RYR1: variants seen among roughly 807,000 people sequenced by gnomAD.
RYR1 encodes the protein ryanodine receptor 1.
Under a neutral mutation model 583.5 loss-of-function variants are expected in RYR1, and 342 were observed. The observed-to-expected ratio is 0.59, with a 90% CI of 0.54 to 0.64. The LOEUF (loss-of-function observed/expected upper bound fraction) is 0.64, where lower values mean the gene tolerates loss of function less well. RYR1 is among the 30% of genes least tolerant of loss of function. The pLI, the probability that RYR1 is intolerant of heterozygous loss-of-function variation, is 0.00. For missense variants in RYR1, 6,032 were observed against 6,917.2 expected (o/e 0.87, Z 4.54); for synonymous variants, 2,791 against 2,822.5 (o/e 0.99, Z 0.35).
At chr19:38,461,115 C>T (rs1419945522) in intron 20 of RYR1, among the ~76,000 whole-genome samples, 1 of 152,026 alleles carries the variant, frequency 6.6e-6, no homozygotes, top group Non-Finnish European at 1.5e-5. Flanking sequence ...GATCGTGCCA[C>T]TACACTCCAG....
At chr19:38,551,071 G>T (rs1168999832) in intron 89 of RYR1, among the ~76,000 whole-genome samples, 3 of 51,486 alleles carry the variant, frequency 5.8e-5, no homozygotes, top group African/African-American at 2.1e-4. Context: ...TTTTGAGACG[G>T]AGTTTTGCTC....
intron 31 of RYR1, among the ~76,000 whole-genome samples, chr19:38,482,769 T>A (rs967958116): frequency 3.9e-5 from 6 of 151,988 alleles, no homozygotes; most frequent in African/African-American, 1.2e-4. Flanking sequence ...TGAGTATGCT[T>A]GGGAGAGAAA....
intron 83 of RYR1, 115 bp from the exon 84 acceptor site, chr19:38,537,765 C>A: frequency 3.0e-6 from 3 of 1,003,692 alleles, no homozygotes; most frequent in South Asian, 1.3e-5. Context: ...CTGCTCCTCC[C>A]AGCACCCCCA....
chr19:38,437,483 C>T (rs891754785), intron 1 of RYR1, among the ~76,000 whole-genome samples: 1 of 152,090 alleles, frequency 6.6e-6, no homozygotes, highest in Non-Finnish European at 1.5e-5. Context: ...ATTTTTCTCT[C>T]TGAGCCTCAG....
In RYR1 at chr19:38,515,639, A is replaced by T. The variant is rs183720350; in HGVS notation, c.9555-448A>T. Reference sequence around the variant, plus strand: ...TGAGACTCCATCTCTACAAAAAAAAATTTTTTTTAATTAGCCTGGTGTGGT... The same window carrying T: ...TGAGACTCCATCTCTACAAAAAAAATTTTTTTTTAATTAGCCTGGTGTGGT... On this transcript the variant is annotated intron_variant, in intron 64 of 105. Coordinates refer to ENST00000359596, the MANE Select transcript of RYR1 (RefSeq NM_000540.3). Among the ~76,000 whole-genome samples, 301 of 152,056 alleles carry T rather than the reference A, an allele frequency of 2.0e-3. 1 individual carries two copies. The highest frequency in any genetic ancestry group is 6.0e-3 in the African/African-American group (250 of 41,482).
In RYR1 at chr19:38,505,251, C is replaced by T. The variant is rs542139785; in HGVS notation, c.8311-58C>T. ...TCTCTGTCCTCGGCTCCTCCAGGGT[C>T]GCCCCGTGTGTCCCCAACTGCTGCC... is the stretch of plus-strand genomic sequence containing the variant. On this transcript the variant is annotated intron_variant, in intron 52 of 105. Transcript: ENST00000359596. The T allele has an allele frequency of 7.1e-5, 92 of 1,300,488 alleles. No individual in the cohort carries two copies. The Middle Eastern group carries it at 2.4e-3, about 34-fold the overall frequency. 80.6% of individuals were successfully genotyped at this position (1,300,488 alleles called of 1,614,324 possible). A position where few individuals can be genotyped will look rare whatever the true frequency, so the allele number is the denominator to read the frequency against.
At chr19:38,538,022 G>A (rs961030415) in intron 84 of RYR1, 62 bp downstream of exon 84, 1 of 1,517,566 alleles carries the variant, frequency 6.6e-7, no homozygotes, top group African/African-American at 1.4e-5. Flanking sequence ...CGGAAGGGTT[G>A]ACTGAATTAG....
chr19:38,580,900 T>A (rs750440836), intron 101 of RYR1, among the ~76,000 whole-genome samples: 10 of 100,362 alleles, frequency 1.0e-4, no homozygotes, highest in Non-Finnish European at 1.7e-4. Context: ...GCCAGGCACA[T>A]TTTTTTTTTT....
At position 38,528,940 on chromosome 19, in the gene RYR1, T is replaced by C; in HGVS notation, c.11035-11T>C. On this transcript the variant is annotated splice_polypyrimidine_tract_variant and intron_variant, in intron 75 of 105. Transcript: ENST00000359596. ...AGAAACCCTCTCCCCAAGTCTCCCC[T>C]CTCCCACCAGAAAGCTGGGGAGCAG... The C allele has an allele frequency of 6.2e-7, 1 of 1,604,600 alleles. No homozygotes were observed. The highest frequency in any genetic ancestry group is 8.5e-7 in the Non-Finnish European group (1 of 1,175,500).
chr19:38,464,577 G>C, intron 22 of RYR1, 62 bp from the exon 23 acceptor site: 2 of 1,421,452 alleles, frequency 1.4e-6, no homozygotes, highest in Admixed American at 2.0e-5. Context: ...GAGGCCGTGG[G>C]AGGAGACGGG....
rs1972798665 is a variant in RYR1 at position 38,443,623 on chromosome 19, C to T, written c.336C>T (p.His112=). The change falls in exon 4 of 106, where the codon CAC becomes CAT. Residue 112 remains histidine (H), a synonymous_variant. Transcript: ENST00000359596. ...ATGCCATCCTGCTCCGGCATGCACACAGCCGCATGGTGAGTGCAACCTCGG... is the reference window on the plus strand; with the variant it reads ...ATGCCATCCTGCTCCGGCATGCACATAGCCGCATGGTGAGTGCAACCTCGG... ...YGHAILLRHA[H]SRMYLSCLTT... is the part of the protein sequence containing the mutation. 1 of 1,614,006 alleles carries T rather than the reference C, an allele frequency of 6.2e-7. No homozygotes were observed. Among genetic ancestry groups the T allele is most frequent in the South Asian group, 1.1e-5 (1 of 91,090 alleles).
Position 38,504,219 on chromosome 19 carries a change from G to T in RYR1, c.7927-1G>T. On this transcript the variant is annotated splice_acceptor_variant, in intron 49 of 105. Transcript: ENST00000359596. LOFTEE classifies it high-confidence loss of function. ...TGTGTCCCCCTCTTGTTCCCACCCA[G>T]CTCCTCACCAACCACTATGAGCGCT... is the stretch of plus-strand genomic sequence containing the variant. 2 of 1,611,804 alleles carry T rather than the reference G, an allele frequency of 1.2e-6. No homozygotes were observed. Among genetic ancestry groups the T allele is most frequent in the Non-Finnish European group, 1.7e-6 (2 of 1,179,102 alleles).
chr19:38,501,078 T>G, intron 47 of RYR1, 88 bp downstream of exon 47: 1 of 1,344,462 alleles, frequency 7.4e-7, no homozygotes. Context: ...CAGCTGCTTT[T>G]GTTTTTCTTG....
Position 38,523,900 on chromosome 19 carries a change from G to A in RYR1, c.10441-15G>A, listed in dbSNP as rs1477906521. 1.9e-6 allele frequency: 3 copies of A among 1,613,850 alleles called. No individual in the cohort carries two copies. Among genetic ancestry groups the A allele is most frequent in the Admixed American group, 1.7e-5 (1 of 59,974 alleles). On this transcript the variant is annotated splice_polypyrimidine_tract_variant and intron_variant, in intron 69 of 105. Coordinates refer to ENST00000359596, the MANE Select transcript of RYR1 (RefSeq NM_000540.3). The stretch of plus-strand genomic sequence containing the variant: ...GGTAACCCTTCTTGTCTCTGTCTGC[G>A]GTCCGGTGAAGCAGGCGGGAGATAT...
intron 31 of RYR1, 56 bp downstream of exon 31, chr19:38,478,656 AGC>A: frequency 6.3e-7 from 1 of 1,590,468 alleles, no homozygotes; most frequent in Non-Finnish European, 8.5e-7. Context: ...ATCCCAGGAC[AGC>A]TCTTATAGAT....
At chr19:38,472,348 G>A (rs1326081178) in intron 27 of RYR1, among the ~76,000 whole-genome samples, 1 of 151,966 alleles carries the variant, frequency 6.6e-6, no homozygotes, top group Non-Finnish European at 1.5e-5. Flanking sequence ...TGATCAGCCC[G>A]CCTCAGCCTC....
intron 13 of RYR1, 55 bp downstream of exon 13, chr19:38,453,069 T>C (rs1360583233): frequency 1.3e-6 from 2 of 1,537,204 alleles, no homozygotes; most frequent in African/African-American, 2.9e-5. Context: ...GCGGGACCAC[T>C]GAGGGGCGGG....
intron 89 of RYR1, among the ~76,000 whole-genome samples, chr19:38,554,455 G>GA (rs368763894): frequency 4.3e-5 from 6 of 138,910 alleles, no homozygotes; most frequent in East Asian, 2.1e-4. Context: ...AGTCTCAAAA[G>GA]AAAAAAAAAA....
rs373585562 is a variant in RYR1 at position 38,460,421 on chromosome 19, C to T, written c.2407C>T (p.Pro803Ser). 6.2e-7 allele frequency: 1 copy of T among 1,614,082 alleles called. No homozygotes were observed. Among genetic ancestry groups the T allele is most frequent in the African/African-American group, 1.3e-5 (1 of 74,936 alleles). Residue 803 changes from proline to serine, a missense_variant, in exon 20 of 106, where the codon CCC becomes TCC. Around this residue, in one of 11 missense-constraint regions of RYR1, gnomAD observed 2,627 missense variants for 2,961.3 expected, o/e 0.89. Coordinates refer to ENST00000359596, the MANE Select transcript of RYR1 (RefSeq NM_000540.3). ...GGRHGEFKFL[P>S]PPGYAPCHEA... is the part of the protein sequence containing the mutation. Reference sequence around the variant, plus strand: ...CCGCCATGGTGAATTCAAGTTCCTGCCCCCACCTGGCTATGCTCCATGCCA... The same window carrying T: ...CCGCCATGGTGAATTCAAGTTCCTGTCCCCACCTGGCTATGCTCCATGCCA...
Sources: gnomAD v4.1 joint callset for allele counts (sites outside exome capture counted in the v4.1 genomes callset) on GRCh38, gnomAD v4.1.1 for gene constraint, gnomAD v4.1.1 regional missense constraint, MANE v1.5 for transcripts, NCBI Gene and HGNC (gene_info 2026-07-23, HGNC 2026-07-21) for gene names.